The following DNAH10 variants were observed in gnomAD, a reference collection of about 807,000 sequenced individuals.
DNAH10 encodes the protein dynein axonemal heavy chain 10, also known as axonemal beta dynein heavy chain 10.
In DNAH10, 348 loss-of-function variants were observed where a neutral mutation model predicts 506.6. That is an observed-to-expected ratio of 0.69 (90% CI 0.63 to 0.75). DNAH10 has a LOEUF of 0.75. Among genes scored for constraint, DNAH10 ranks in the 30% least tolerant of loss-of-function variants. DNAH10 has a pLI of 0.00. For missense variants in DNAH10, 5,179 were observed against 5,787.1 expected, an observed-to-expected ratio of 0.89 and a Z score of 3.41; for synonymous variants, 2,059 against 2,198.6, an observed-to-expected ratio of 0.94 and a Z score of 1.78.
intron 4 of DNAH10, among the ~76,000 whole-genome samples, chr12:123,773,390 A>G (rs1297786498): frequency 6.6e-6 from 1 of 152,230 alleles, no homozygotes; most frequent in Non-Finnish European, 1.5e-5. Flanking sequence ...GGTCTTTTCA[A>G]ACAACCCATG....
Position 123,841,421 on chromosome 12 carries a change from C to T in DNAH10, c.5236C>T (p.Arg1746Trp), listed in dbSNP as rs780520645. Reference sequence around the variant, plus strand: ...AGCAGAAGGAGAAGTCATGGAGTTTCGGAAGATCTTGCGGGCTGAAGGGCG... The same window carrying T: ...AGCAGAAGGAGAAGTCATGGAGTTTTGGAAGATCTTGCGGGCTGAAGGGCG... The part of the protein sequence containing the change: ...ISAEGEVMEF[R>W]KILRAEGRVE... The change falls in exon 30 of 79, where the codon CGG becomes TGG. Residue 1746 changes from arginine to tryptophan, a missense_variant. Around this residue, in one of 3 missense-constraint regions of DNAH10, gnomAD observed 4,844 missense variants for 5,430.5 expected, o/e 0.89. Coordinates refer to ENST00000673944, the MANE Select transcript of DNAH10 (RefSeq NM_001372106.1). The T allele has an allele frequency of 7.4e-6, 12 of 1,613,792 alleles. No individual in the cohort carries two copies. The highest frequency in any genetic ancestry group is 4.5e-5 in the East Asian group (2 of 44,894).
intron 39 of DNAH10, among the ~76,000 whole-genome samples, chr12:123,862,767 A>G (rs1405816582): frequency 2.0e-5 from 3 of 152,332 alleles, no homozygotes; most frequent in East Asian, 1.9e-4. Context: ...TGGACTATAC[A>G]TTAGATAATA....
rs918965608 is a variant in DNAH10 at position 123,918,565 on chromosome 12, T to A, written c.11233-111T>A. The A allele has an allele frequency of 1.6e-5, 22 of 1,349,000 alleles. No homozygotes were observed. In the African/African-American group the frequency reaches 3.1e-4, roughly 19 times the overall value. 83.6% of individuals were successfully genotyped at this position (1,349,000 alleles called of 1,614,324 possible). On this transcript the variant is annotated intron_variant, in intron 64 of 78. Coordinates refer to ENST00000673944, the MANE Select transcript of DNAH10 (RefSeq NM_001372106.1). Reference sequence around the variant, plus strand: ...TCGCTCCCCTGCAGTCCCTGGATACTTTCAAAGCCCTGAAGCATTGTACAT... The same window carrying A: ...TCGCTCCCCTGCAGTCCCTGGATACATTCAAAGCCCTGAAGCATTGTACAT...
Position 123,913,441 on chromosome 12 carries a change from T to C in DNAH10, c.10352+126T>C. 1 of 1,012,030 alleles carries C rather than the reference T, an allele frequency of 9.9e-7. No individual in the cohort carries two copies. The highest frequency in any genetic ancestry group is 1.4e-6 in the Non-Finnish European group (1 of 711,924). The allele number at this position is 1,012,030 out of a possible 1,614,324, so 62.7% of individuals were successfully genotyped here. Reference sequence around the variant, plus strand: ...GTGAAAACCATGTGACCAGGTCTTATGTTCCTATTATCATGTTTATGGCAG... The same window carrying C: ...GTGAAAACCATGTGACCAGGTCTTACGTTCCTATTATCATGTTTATGGCAG... On this transcript the variant is annotated intron_variant, in intron 60 of 78. Transcript: ENST00000673944. The surrounding 1 kb of genome is among the most constrained non-coding windows in gnomAD (Gnocchi z 5.1).
intron 54 of DNAH10, 32 bp downstream of exon 54, chr12:123,894,755 T>C (rs1240112235): frequency 6.3e-7 from 1 of 1,579,714 alleles, no homozygotes; most frequent in Non-Finnish European, 8.7e-7. Context: ...AACTGCATTA[T>C]TGATAAAACA....
At chr12:123,823,680 CA>C (rs1365498888) in intron 24 of DNAH10, among the ~76,000 whole-genome samples, 1 of 152,178 alleles carries the variant, frequency 6.6e-6, no homozygotes, top group Admixed American at 6.5e-5. Context: ...TTGACACGGG[CA>C]TGCAATGTGT....
In DNAH10 at chr12:123,762,448, G is replaced by C; in HGVS notation, c.112G>C (p.Asp38His). Residue 38 changes from aspartate to histidine, a missense_variant, in exon 1 of 79, where the codon GAC (aspartate) becomes CAC (histidine). Asp to His is a moderately conservative substitution (Grantham distance 81). Coordinates refer to ENST00000673944, the MANE Select transcript of DNAH10 (RefSeq NM_001372106.1). The surrounding 1 kb of genome is among the most constrained non-coding windows in gnomAD (Gnocchi z 5.0). ...CAACCGCGACGACGGCCAGGGCGAG[G>C]ACCTCATCTTGCACTTCCTCAACCA... ...LLNRDDGQGE[D>H]LILHFLNQAS... is the part of the protein sequence containing the mutation. The C allele has an allele frequency of 2.0e-6, 3 of 1,479,010 alleles. No homozygotes were observed. The highest frequency in any genetic ancestry group is 2.7e-6 in the Non-Finnish European group (3 of 1,110,268). The allele number at this position is 1,479,010 out of a possible 1,614,324, so 91.6% of individuals were successfully genotyped here. A position where few individuals can be genotyped will look rare whatever the true frequency, so the allele number is the denominator to read the frequency against.
At chr12:123,910,735 C>T in intron 59 of DNAH10, 63 bp downstream of exon 59, 2 of 1,585,862 alleles carry the variant, frequency 1.3e-6, no homozygotes, top group Non-Finnish European at 1.7e-6. Flanking sequence ...TCAGAATTCA[C>T]ATGTACATAC....
chr12:123,783,670 A>G (rs979244438), intron 7 of DNAH10, among the ~76,000 whole-genome samples: 6 of 152,208 alleles, frequency 3.9e-5, no homozygotes, highest in Admixed American at 1.3e-4. Context: ...TAGGGGCTGG[A>G]GAGCTTCATT....
Position 123,785,622 on chromosome 12 carries a change from G to T in DNAH10, c.1231-124G>T. ...CCATTGCACTCCAGCCTGGGCACCAGACTTGGTCTCAAGGAAAAAAAAAAA... is the reference window on the plus strand; with the variant it reads ...CCATTGCACTCCAGCCTGGGCACCATACTTGGTCTCAAGGAAAAAAAAAAA... On this transcript the variant is annotated intron_variant, in intron 8 of 78. Transcript: ENST00000673944. This position sits in a 1 kb window ranked among gnomAD's most constrained non-coding sequence, Gnocchi z 4.1. 1 of 930,256 alleles carries T rather than the reference G, an allele frequency of 1.1e-6. No homozygotes were observed. 57.6% of individuals were successfully genotyped at this position (930,256 alleles called of 1,614,324 possible). A position where few individuals can be genotyped will look rare whatever the true frequency, so the allele number is the denominator to read the frequency against.
chr12:123,781,606 C>T (rs1163202469), intron 6 of DNAH10, among the ~76,000 whole-genome samples: 5 of 152,052 alleles, frequency 3.3e-5, no homozygotes, highest in African/African-American at 9.7e-5. Context: ...GCTGGGACTA[C>T]AGGTGTGCAC....
chr12:123,769,223 G>C (rs952444186), intron 2 of DNAH10, among the ~76,000 whole-genome samples: 1 of 151,004 alleles, frequency 6.6e-6, no homozygotes, highest in Admixed American at 6.6e-5. Flanking sequence ...TCGGCTTGCT[G>C]CAACCTCCTC....
chr12:123,915,271 C>T (rs115180537), intron 62 of DNAH10, among the ~76,000 whole-genome samples: 3,497 of 152,094 alleles, frequency 0.023, 138 homozygotes, highest in African/African-American at 0.081. Flanking sequence ...GTACGGGGTT[C>T]GTGGTCTGGG....
chr12:123,928,888 T>G lies in DNAH10; in HGVS notation c.12306+301T>G. On this transcript the variant is annotated intron_variant, in intron 70 of 78. Transcript: ENST00000673944. The surrounding 1 kb of genome is among the most constrained non-coding windows in gnomAD (Gnocchi z 4.9). ...CCCCCACACACAGCCTGCAGTTCGC[T>G]AGTGCTGACTGCAGGAGTTTCGCGT... is the stretch of plus-strand genomic sequence containing the variant. 4.3e-6 allele frequency: 2 copies of G among 463,652 alleles called. No individual in the cohort carries two copies. Among genetic ancestry groups the G allele is most frequent in the Non-Finnish European group, 7.6e-6 (2 of 262,204 alleles). 28.7% of individuals were successfully genotyped at this position (463,652 alleles called of 1,614,324 possible).
At chr12:123,856,072 CATA>C (rs928166509) in intron 36 of DNAH10, among the ~76,000 whole-genome samples, 47 of 147,004 alleles carry the variant, frequency 3.2e-4, no homozygotes, top group Non-Finnish European at 6.1e-4. Context: ...TCATATTACA[CATA>C]ATATCTTATA....
At chr12:123,792,809 A>G (rs1375271631) in intron 11 of DNAH10, among the ~76,000 whole-genome samples, 1 of 152,044 alleles carries the variant, frequency 6.6e-6, no homozygotes, top group Non-Finnish European at 1.5e-5. Flanking sequence ...GGACCCTAGG[A>G]CTTCCTATCT....
chr12:123,927,066 A>G, intron 69 of DNAH10: 1 of 513,892 alleles, frequency 1.9e-6, no homozygotes, highest in Non-Finnish European at 3.4e-6. Flanking sequence ...TTTTTGAGAC[A>G]GGGTCTCACT....
chr12:123,914,691 C>A, intron 61 of DNAH10, 141 bp downstream of exon 61: 1 of 1,386,136 alleles, frequency 7.2e-7, no homozygotes, highest in South Asian at 1.4e-5. Flanking sequence ...AGTGGCCGGG[C>A]AAGCTGCAAA....
chr12:123,826,540 A>G, intron 24 of DNAH10, 147 bp from the exon 25 acceptor site: 1 of 646,560 alleles, frequency 1.5e-6, no homozygotes, highest in East Asian at 2.8e-5. Context: ...CTTGTAGTCA[A>G]CCTCTTGTTT....
Sources: allele counts gnomAD v4.1 joint callset (sites outside exome capture counted in the v4.1 genomes callset), GRCh38; gene constraint gnomAD v4.1.1; regional missense constraint gnomAD v4.1.1; non-coding constraint Gnocchi (gnomAD v3.1); transcripts MANE v1.5; gene names NCBI Gene and HGNC (gene_info 2026-07-23, HGNC 2026-07-21).